Variants in EYS observed in about 807,000 individuals in gnomAD.
EYS encodes the protein EGF-like photoreceptor maintenance factor.
EYS carries 250 observed loss-of-function variants against 282.1 expected under a neutral mutation model. The ratio of observed to expected loss-of-function variants is 0.89; its 90% CI spans 0.80 to 0.98. The LOEUF (loss-of-function observed/expected upper bound fraction) is 0.98, where lower values mean the gene tolerates loss of function less well. EYS is among the 50% of genes least tolerant of loss of function. EYS has a pLI of 0.00. For synonymous variants in EYS, 1,355 were observed against 1,282.9 expected, an observed-to-expected ratio of 1.06 and a Z score of -1.20; for missense variants, 4,016 against 3,709.0, an observed-to-expected ratio of 1.08 and a Z score of -2.15.
intron 13 of EYS, among the ~76,000 whole-genome samples, chr6:65,035,063 C>A (rs1457927917): frequency 1.3e-5 from 2 of 152,022 alleles, no homozygotes; most frequent in African/African-American, 4.8e-5. Context: ...TCAACATATG[C>A]CAATCAATAC....
chr6:64,247,463 T>C (rs1767056900), intron 30 of EYS, among the ~76,000 whole-genome samples: 2 of 152,172 alleles, frequency 1.3e-5, no homozygotes, highest in South Asian at 2.1e-4. Flanking sequence ...AAAAACAAAA[T>C]AGACCAAACG....
intron 2 of EYS, among the ~76,000 whole-genome samples, chr6:65,569,999 G>C (rs1422808127): frequency 6.6e-6 from 1 of 152,148 alleles, no homozygotes; most frequent in Non-Finnish European, 1.5e-5. Flanking sequence ...AAGGGAGTTG[G>C]AATGAGGGAA....
chr6:65,659,308 C>T (rs1767929148), intron 1 of EYS, among the ~76,000 whole-genome samples: 1 of 151,622 alleles, frequency 6.6e-6, no homozygotes, highest in Non-Finnish European at 1.5e-5. Context: ...TGCAGGAGTA[C>T]TATCTGGCAA....
intron 14 of EYS, among the ~76,000 whole-genome samples, chr6:64,988,472 A>T (rs577164495): frequency 8.6e-5 from 13 of 151,646 alleles, no homozygotes; most frequent in South Asian, 8.3e-4. Flanking sequence ...GAAAAAATCT[A>T]AAAAAAGTTA....
intron 35 of EYS, 94 bp from the exon 36 acceptor site, chr6:63,864,452 A>T: frequency 1.3e-6 from 1 of 796,350 alleles, no homozygotes; most frequent in Non-Finnish European, 1.8e-6. Context: ...ACATATGCAA[A>T]TAAAATTATA....
chr6:64,702,071 C>G (rs561331486), intron 22 of EYS, among the ~76,000 whole-genome samples: 31 of 151,542 alleles, frequency 2.0e-4, no homozygotes, highest in Admixed American at 6.6e-5. Context: ...AACAAAAAAC[C>G]TCATTTGATT....
rs147349571 is a variant in EYS, at chr6:63,735,939, A to G, written c.8072-9259T>C. ...TCTGCACGATCGATTCAAACCATGT[A>G]ATCTTTGTAGAAATGACGTGCACAT... is the stretch of plus-strand genomic sequence containing the variant. On this transcript the variant is annotated intron_variant, in intron 41 of 42. Coordinates refer to ENST00000503581, the MANE Select transcript of EYS (RefSeq NM_001142800.2). Among the ~76,000 whole-genome samples, 926 of 152,248 alleles carry G rather than the reference A, an allele frequency of 6.1e-3. 8 individuals carry two copies. Among genetic ancestry groups the G allele is most frequent in the African/African-American group, 0.02 (851 of 41,554 alleles).
At chr6:65,658,969 A>G (rs1220721814) in intron 1 of EYS, among the ~76,000 whole-genome samples, 5 of 151,252 alleles carry the variant, frequency 3.3e-5, no homozygotes, top group Non-Finnish European at 7.4e-5. Context: ...CTTTATTCTC[A>G]CACTCTCCAG....
At chr6:64,730,477 T>C (rs1427063538) in intron 22 of EYS, among the ~76,000 whole-genome samples, 5 of 151,942 alleles carry the variant, frequency 3.3e-5, no homozygotes, top group African/African-American at 4.8e-5. Flanking sequence ...AACTTTTACT[T>C]TTACTTATTT....
intron 12 of EYS, among the ~76,000 whole-genome samples, chr6:65,130,475 CAT>C (rs1268272508): frequency 2.0e-5 from 3 of 151,714 alleles, no homozygotes; most frequent in Admixed American, 1.3e-4. Flanking sequence ...ACGATGCAGT[CAT>C]AGAAAAGATC....
At chr6:63,827,232 A>G (rs1771493753) in intron 36 of EYS, among the ~76,000 whole-genome samples, 1 of 152,242 alleles carries the variant, frequency 6.6e-6, no homozygotes, top group African/African-American at 2.4e-5. Flanking sequence ...TCACAAACCT[A>G]AACACATACG....
At chr6:63,775,409 T>A (rs1287554463) in intron 40 of EYS, among the ~76,000 whole-genome samples, 1 of 152,240 alleles carries the variant, frequency 6.6e-6, no homozygotes, top group Non-Finnish European at 1.5e-5. Flanking sequence ...GTTTTCCTTT[T>A]ACAATTGATT....
chr6:65,494,603 G>A (rs1766167419), intron 4 of EYS, 60 bp downstream of exon 4: 3 of 1,421,660 alleles, frequency 2.1e-6, no homozygotes, highest in Middle Eastern at 2.5e-4. Flanking sequence ...TCTGTTAACA[G>A]TTTATAAATG....
At chr6:64,367,432 G>T (rs1346802571) in intron 29 of EYS, among the ~76,000 whole-genome samples, 1 of 151,930 alleles carries the variant, frequency 6.6e-6, no homozygotes, top group Non-Finnish European at 1.5e-5. Flanking sequence ...AGAGACTTCT[G>T]CTCTCCTATT....
At position 64,834,520 on chromosome 6, in the gene EYS, TA is replaced by T. The variant is rs1296679389; in HGVS notation, c.2993-11699del. Among the ~76,000 whole-genome samples the T allele has an allele frequency of 1.1e-4, 17 of 151,930 alleles. No homozygotes were observed. In the East Asian group the frequency reaches 3.3e-3, roughly 29 times the overall value. On this transcript the variant is annotated intron_variant, in intron 19 of 42. Coordinates refer to ENST00000503581, the MANE Select transcript of EYS (RefSeq NM_001142800.2). ...TGTCATAGAAGTAAAAATCCATAAT[TA>T]AAAAATCCAGTGACCTAGTTAATTT...
intron 31 of EYS, among the ~76,000 whole-genome samples, chr6:64,095,876 T>A (rs1043612055): frequency 2.6e-5 from 4 of 152,338 alleles, no homozygotes; most frequent in Non-Finnish European, 4.4e-5. Context: ...TTGGCATGTT[T>A]TTGCAGTGGC....
intron 33 of EYS, among the ~76,000 whole-genome samples, chr6:64,004,352 T>C (rs571933090): frequency 6.6e-5 from 10 of 152,174 alleles, no homozygotes; most frequent in Non-Finnish European, 1.5e-4. Context: ...TTTTAACTAA[T>C]ATTTTAATAT....
chr6:64,294,732 A>C (rs1768844650), intron 30 of EYS, among the ~76,000 whole-genome samples: 1 of 152,244 alleles, frequency 6.6e-6, no homozygotes, highest in Admixed American at 6.5e-5. Context: ...CTGATGGCTT[A>C]GTATGATACA....
chr6:64,931,092 G>T (rs1768708722), intron 15 of EYS, among the ~76,000 whole-genome samples: 1 of 152,136 alleles, frequency 6.6e-6, no homozygotes, highest in Non-Finnish European at 1.5e-5. Context: ...AACTCCAGTT[G>T]TTTAGAGAGA....
Sources: gnomAD v4.1 joint callset for allele counts (sites outside exome capture counted in the v4.1 genomes callset) on GRCh38, gnomAD v4.1.1 for gene constraint, MANE v1.5 for transcripts, NCBI Gene and HGNC (gene_info 2026-07-23, HGNC 2026-07-21) for gene names.